PRRC2C: variants seen among roughly 807,000 people sequenced by gnomAD.
PRRC2C encodes proline rich coiled-coil 2C.
PRRC2C carries 72 observed loss-of-function variants against 317.2 expected under a neutral mutation model. That is an observed-to-expected ratio of 0.23 (90% CI 0.19 to 0.28). The LOEUF (loss-of-function observed/expected upper bound fraction) is 0.28, where lower values mean the gene tolerates loss of function less well. PRRC2C is among the 10% of genes least tolerant of loss of function. PRRC2C has a pLI of 1.00. For synonymous variants in PRRC2C, 1,296 were observed against 1,205.9 expected (o/e 1.07, Z -1.55); for missense variants, 3,074 against 3,459.7 (o/e 0.89, Z 2.80).
intron 1 of PRRC2C, among the ~76,000 whole-genome samples, chr1:171,496,902 A>G (rs901853004): frequency 6.6e-6 from 1 of 151,722 alleles, no homozygotes; most frequent in Non-Finnish European, 1.5e-5. Flanking sequence ...CCCAGGCTCA[A>G]GCGATCCTCC....
At chr1:171,503,869 A>C (rs538156028) in intron 1 of PRRC2C, among the ~76,000 whole-genome samples, 4 of 152,226 alleles carry the variant, frequency 2.6e-5, no homozygotes, top group Non-Finnish European at 5.9e-5. Context: ...GCAGCAGACA[A>C]AGAGAGAGAA....
In PRRC2C at chr1:171,523,353, A is replaced by C; in HGVS notation, c.966A>C (p.Ala322=). The C allele has an allele frequency of 1.2e-6, 2 of 1,613,944 alleles. No homozygotes were observed. The highest frequency in any genetic ancestry group is 1.7e-6 in the Non-Finnish European group (2 of 1,179,866). Reference sequence around the variant, plus strand: ...ATGCTGAAGCTGATGAAGGTTGGGCAGGTAAGAGGCAAAATTAATTAAGTC... The same window carrying C: ...ATGCTGAAGCTGATGAAGGTTGGGCCGGTAAGAGGCAAAATTAATTAAGTC... ...NLDAEADEGW[A]GAQMEVDYTE... is the part of the protein sequence containing the mutation. The change falls in exon 8 of 35, where the codon GCA becomes GCC. Residue 322 remains alanine (A), a splice_region_variant and synonymous_variant. Transcript: ENST00000647382.
In PRRC2C at chr1:171,553,330, C is replaced by T. The variant is rs188939901; in HGVS notation, c.5127+3090C>T. Among the ~76,000 whole-genome samples, 500 of 151,880 alleles carry T rather than the reference C, an allele frequency of 3.3e-3. 4 individuals carry two copies. Among genetic ancestry groups the T allele is most frequent in the African/African-American group, 0.011 (474 of 41,428 alleles). On this transcript the variant is annotated intron_variant, in intron 18 of 34. Transcript: ENST00000647382. ...ATATCCCCTTTATCAATTTTTATTG[C>T]GTCTATTTGATTCTTCTCTCTTTTC... is the stretch of plus-strand genomic sequence containing the variant.
chr1:171,542,131 T>C lies in PRRC2C; in HGVS notation c.4665T>C (p.Asn1555=). 6.2e-7 allele frequency: 1 copy of C among 1,613,172 alleles called. No homozygotes were observed. The highest frequency in any genetic ancestry group is 8.5e-7 in the Non-Finnish European group (1 of 1,179,526). ...FSSQRPVDRQ[N]RRGNNGPPKS... ...GTCAGAGACCAGTAGATCGTCAGAATCGACGTGGCAACAATGGTCCACCCA... is the reference window on the plus strand; with the variant it reads ...GTCAGAGACCAGTAGATCGTCAGAACCGACGTGGCAACAATGGTCCACCCA... Residue 1555 remains asparagine (N), a synonymous_variant, in exon 16 of 35, where the codon AAT becomes AAC. Coordinates refer to ENST00000647382, the MANE Select transcript of PRRC2C (RefSeq NM_001387844.1).
intron 10 of PRRC2C, among the ~76,000 whole-genome samples, chr1:171,527,065 C>T (rs991015262): frequency 5.3e-5 from 8 of 151,848 alleles, no homozygotes; most frequent in Non-Finnish European, 1.0e-4. Flanking sequence ...CTCGGCCTCC[C>T]GAAGTGCTAG....
intron 28 of PRRC2C, among the ~76,000 whole-genome samples, chr1:171,581,493 A>T (rs984858302): frequency 2.6e-5 from 4 of 152,236 alleles, no homozygotes; most frequent in African/African-American, 9.6e-5. Flanking sequence ...TATACTTTTT[A>T]AGACCAGACG....
chr1:171,505,270 C>T (rs531422972), intron 1 of PRRC2C, among the ~76,000 whole-genome samples: 6 of 152,298 alleles, frequency 3.9e-5, no homozygotes, highest in East Asian at 3.9e-4. Flanking sequence ...TTAGGTGATC[C>T]ACCTGCCTCG....
intron 30 of PRRC2C, among the ~76,000 whole-genome samples, chr1:171,586,543 G>GTATATTTTATTTTATTT (rs1553249424): frequency 7.6e-6 from 1 of 132,198 alleles, no homozygotes; most frequent in Non-Finnish European, 1.6e-5. Flanking sequence ...TGTGTTCTAT[G>GTATATTTTATTTTATTT]TATTTTATTT....
intron 1 of PRRC2C, among the ~76,000 whole-genome samples, chr1:171,507,149 C>G (rs552085496): frequency 5.1e-4 from 78 of 152,234 alleles, no homozygotes; most frequent in South Asian, 2.5e-3. Flanking sequence ...ATCCCACCTA[C>G]TGGGAAGAAC....
At chr1:171,490,362 A>C (rs1666897936) in intron 1 of PRRC2C, among the ~76,000 whole-genome samples, 1 of 152,188 alleles carries the variant, frequency 6.6e-6, no homozygotes, top group South Asian at 2.1e-4. Flanking sequence ...TTGGGACATT[A>C]CTGCTATAAG....
intron 6 of PRRC2C, among the ~76,000 whole-genome samples, chr1:171,520,241 G>A (rs1046306487): frequency 6.6e-6 from 1 of 152,222 alleles, no homozygotes; most frequent in Non-Finnish European, 1.5e-5. Flanking sequence ...GGGATTACAG[G>A]CGTGAGCCAC....
chr1:171,493,088 G>GAGAAGGTAGGAGAGAA (rs1667480986), intron 1 of PRRC2C, among the ~76,000 whole-genome samples: 1 of 151,526 alleles, frequency 6.6e-6, no homozygotes, highest in Non-Finnish European at 1.5e-5. Flanking sequence ...AATAAAAGAA[G>GAGAAGGTAGGAGAGAA]AGAAGGAAGG....
In PRRC2C at chr1:171,566,237, C is replaced by G. The variant is rs1361900793; in HGVS notation, c.6122C>G (p.Ala2041Gly). The part of the protein sequence containing the change: ...SFGSAPSSEG[A>G]KNGQESGLEI... ...TTTAAAATATTCTTTTACTAGGGAG[C>G]GAAGAATGGTCAAGAAAGTGGACTC... Residue 2041 changes from alanine to glycine, a missense_variant, in exon 21 of 35, where the codon GCG (alanine) becomes GGG (glycine). This residue lies in a region of PRRC2C where 640 missense variants were observed against 676.1 expected (regional missense o/e 0.95). Transcript: ENST00000647382. 6.2e-7 allele frequency: 1 copy of G among 1,607,678 alleles called. No homozygotes were observed. Among genetic ancestry groups the G allele is most frequent in the Non-Finnish European group, 8.5e-7 (1 of 1,176,986 alleles).
chr1:171,569,825 T>A (rs553415635), intron 23 of PRRC2C, among the ~76,000 whole-genome samples: 4 of 151,594 alleles, frequency 2.6e-5, no homozygotes, highest in Non-Finnish European at 4.4e-5. Flanking sequence ...TATGATGCTT[T>A]TTGCGAAACT....
At chr1:171,487,074 T>C (rs996770178) in intron 1 of PRRC2C, among the ~76,000 whole-genome samples, 3 of 152,252 alleles carry the variant, frequency 2.0e-5, no homozygotes, top group Non-Finnish European at 4.4e-5. Flanking sequence ...ATAGCCTTTT[T>C]AAGTGATTGT....
chr1:171,532,216 T>C, intron 11 of PRRC2C, 127 bp from the exon 12 acceptor site: 1 of 982,676 alleles, frequency 1.0e-6, no homozygotes, highest in Non-Finnish European at 1.5e-6. Context: ...TGTGTTTTCA[T>C]TTTAATGTGT....
At chr1:171,591,427 A>G (rs1651411462) in intron 34 of PRRC2C, 160 bp from the exon 35 acceptor site, 2 of 703,124 alleles carry the variant, frequency 2.8e-6, no homozygotes, top group South Asian at 3.5e-5. Flanking sequence ...GAAGAAATCT[A>G]TTCATTAAAA....
rs1395032432 is a variant in PRRC2C, at chr1:171,556,252, T to C, written c.5128-988T>C. Among the ~76,000 whole-genome samples the C allele has an allele frequency of 3.3e-5, 5 of 152,220 alleles. No homozygotes were observed. In the East Asian group the frequency reaches 9.6e-4, roughly 29 times the overall value. On this transcript the variant is annotated intron_variant, in intron 18 of 34. Coordinates refer to ENST00000647382, the MANE Select transcript of PRRC2C (RefSeq NM_001387844.1). Reference sequence around the variant, plus strand: ...GAGCCAGGCGTGGGATATAATCTCCTGGTGTGCCGTTTGCTAAGACCGTTG... The same window carrying C: ...GAGCCAGGCGTGGGATATAATCTCCCGGTGTGCCGTTTGCTAAGACCGTTG...
Position 171,557,452 on chromosome 1 carries a change from A to G in PRRC2C, c.5340A>G (p.Pro1780=), listed in dbSNP as rs1422621227. The change falls in exon 19 of 35, where the codon CCA becomes CCG. Residue 1780 remains proline (P), a synonymous_variant. Transcript: ENST00000647382. ...APLPATLTPV[P]ASTSAPVPAS... ...TTCCGGCAACCTTAACTCCAGTTCC[A>G]GCCTCAACCTCAGCTCCGGTTCCAG... 6.5e-7 allele frequency: 1 copy of G among 1,546,176 alleles called. No individual in the cohort carries two copies. Among genetic ancestry groups the G allele is most frequent in the South Asian group, 1.2e-5 (1 of 83,710 alleles).
Sources: gnomAD v4.1 joint callset for allele counts (sites outside exome capture counted in the v4.1 genomes callset) on GRCh38, gnomAD v4.1.1 for gene constraint, gnomAD v4.1.1 regional missense constraint, MANE v1.5 for transcripts, NCBI Gene and HGNC (gene_info 2026-07-23, HGNC 2026-07-21) for gene names.